The following PDZRN4 variants were observed in gnomAD, a reference collection of about 807,000 sequenced individuals.
PDZRN4 encodes PDZ domain-containing RING finger protein 4.
Under a neutral mutation model 99.0 loss-of-function variants are expected in PDZRN4, and 70 were observed. The observed-to-expected ratio is 0.71, with a 90% CI of 0.58 to 0.86. PDZRN4 has a LOEUF of 0.86. PDZRN4 is among the 40% of genes least tolerant of loss of function. The pLI is 0.00. For synonymous variants in PDZRN4, 551 were observed against 501.6 expected, an observed-to-expected ratio of 1.10 and a Z score of -1.32; for missense variants, 1,474 against 1,331.2, an observed-to-expected ratio of 1.11 and a Z score of -1.67.
At chr12:41,392,130 T>C (rs1205333097) in intron 3 of PDZRN4, among the ~76,000 whole-genome samples, 3 of 152,168 alleles carry the variant, frequency 2.0e-5, no homozygotes, top group African/African-American at 4.8e-5. Context: ...AATTAAAGTA[T>C]GAATCTGTCC....
chr12:41,189,046 CCAATACATGGCTCACG>C lies in PDZRN4; in HGVS notation c.592_607del (p.Gln198SerfsTer25). The C allele has an allele frequency of 6.3e-7, 1 of 1,576,256 alleles. No homozygotes were observed. The highest frequency in any genetic ancestry group is 8.6e-7 in the Non-Finnish European group (1 of 1,169,394). On this transcript the variant is annotated frameshift_variant, in exon 1 of 10. Transcript: ENST00000402685. LOFTEE classifies it high-confidence loss of function. The stretch of plus-strand genomic sequence containing the variant: ...CGCGCAGGTACCAGGAGAAGTTCAC[CCAATACATGGCTCACG>C]TCCGCAACTTCGTCGGCGACCTCGG...
intron 3 of PDZRN4, among the ~76,000 whole-genome samples, chr12:41,289,836 T>A (rs906275448): frequency 1.1e-4 from 16 of 152,184 alleles, no homozygotes; most frequent in African/African-American, 3.9e-4. Flanking sequence ...TTGGGGATAG[T>A]GAAGAAAATA....
chr12:41,546,143 T>A (rs1418095040), intron 5 of PDZRN4, among the ~76,000 whole-genome samples: 1 of 152,162 alleles, frequency 6.6e-6, no homozygotes, highest in Non-Finnish European at 1.5e-5. Context: ...GGGAAAGCAG[T>A]CACTATGGTC....
chr12:41,208,026 C>A (rs1026377006), intron 3 of PDZRN4, among the ~76,000 whole-genome samples: 2 of 151,370 alleles, frequency 1.3e-5, no homozygotes, highest in Admixed American at 1.3e-4. Context: ...TAATAGCTTT[C>A]ATTATTGAAA....
At chr12:41,473,499 C>A (rs1289656549) in intron 3 of PDZRN4, 1 of 152,178 alleles carries the variant, frequency 6.6e-6, no homozygotes, top group African/African-American at 2.4e-5. Context: ...TCAGGAAGAG[C>A]CATGGCATCC....
chr12:41,554,942 C>A (rs1333455035), intron 6 of PDZRN4, among the ~76,000 whole-genome samples: 1 of 151,244 alleles, frequency 6.6e-6, no homozygotes, highest in Non-Finnish European at 1.5e-5. Flanking sequence ...GACGCGGTGG[C>A]TCACGCCTGT....
chr12:41,467,271 T>G (rs1173739396), intron 3 of PDZRN4, among the ~76,000 whole-genome samples: 2 of 152,194 alleles, frequency 1.3e-5, no homozygotes, highest in Non-Finnish European at 1.5e-5. Context: ...GAAAAAAATT[T>G]GTTTAATAGT....
chr12:41,503,719 C>G (rs1032870127), intron 3 of PDZRN4, among the ~76,000 whole-genome samples: 1 of 152,082 alleles, frequency 6.6e-6, no homozygotes, highest in Non-Finnish European at 1.5e-5. Context: ...GAAAAATGAG[C>G]CTTGCCTTGT....
chr12:41,233,556 A>G (rs1198814871), intron 3 of PDZRN4, among the ~76,000 whole-genome samples: 1 of 152,186 alleles, frequency 6.6e-6, no homozygotes, highest in Non-Finnish European at 1.5e-5. Flanking sequence ...CAACAACGAT[A>G]GACTGGATAA....
Position 41,194,064 on chromosome 12 carries a change from T to A in PDZRN4, c.736-17T>A, listed in dbSNP as rs772920586. The A allele has an allele frequency of 8.5e-7, 1 of 1,171,272 alleles. No individual in the cohort carries two copies. Among genetic ancestry groups the A allele is most frequent in the Non-Finnish European group, 1.3e-6 (1 of 794,268 alleles). The allele number at this position is 1,171,272 out of a possible 1,614,324, so 72.6% of individuals were successfully genotyped here. Reference sequence around the variant, plus strand: ...TTTGCTTACATCTTTCTTCTGCTAATGATTTTTTAAAAATAGAATAATCAG... The same window carrying A: ...TTTGCTTACATCTTTCTTCTGCTAAAGATTTTTTAAAAATAGAATAATCAG... On this transcript the variant is annotated splice_polypyrimidine_tract_variant and intron_variant, in intron 2 of 9. Transcript: ENST00000402685.
chr12:41,528,165 G>A (rs1445252124), intron 5 of PDZRN4, among the ~76,000 whole-genome samples: 1 of 151,862 alleles, frequency 6.6e-6, no homozygotes, highest in East Asian at 1.9e-4. Flanking sequence ...GAGGAATAAG[G>A]AGCCGTTTTT....
intron 8 of PDZRN4, among the ~76,000 whole-genome samples, chr12:41,566,213 C>T (rs1417071661): frequency 1.3e-5 from 2 of 152,066 alleles, no homozygotes; most frequent in Non-Finnish European, 2.9e-5. Context: ...TCTTTATTTT[C>T]CCCACTACTT....
chr12:41,344,734 TAA>T (rs1423761786), intron 3 of PDZRN4, among the ~76,000 whole-genome samples: 1 of 148,432 alleles, frequency 6.7e-6, no homozygotes, highest in Non-Finnish European at 1.5e-5. Context: ...TTTTTTGATG[TAA>T]GATATATATA....
intron 3 of PDZRN4, among the ~76,000 whole-genome samples, chr12:41,309,513 C>T (rs1159324850): frequency 1.3e-5 from 2 of 152,108 alleles, no homozygotes; most frequent in Non-Finnish European, 2.9e-5. Flanking sequence ...CATTAGGCCC[C>T]ACCTCCCAAC....
At chr12:41,564,557 G>A (rs1048046126) in intron 8 of PDZRN4, among the ~76,000 whole-genome samples, 5 of 152,116 alleles carry the variant, frequency 3.3e-5, no homozygotes, top group Non-Finnish European at 7.4e-5. Context: ...CATTGAGTAA[G>A]TGTATTTCAG....
intron 3 of PDZRN4, among the ~76,000 whole-genome samples, chr12:41,277,790 TCA>T (rs1225582281): frequency 1.3e-5 from 2 of 152,234 alleles, no homozygotes; most frequent in Non-Finnish European, 2.9e-5. Flanking sequence ...TTAGAGGTAA[TCA>T]ATTTCTCTTT....
chr12:41,205,905 T>A (rs141655565), intron 3 of PDZRN4, among the ~76,000 whole-genome samples: 1,865 of 152,080 alleles, frequency 0.012, 144 homozygotes, highest in Admixed American at 0.11. Context: ...TTCTTCTACA[T>A]TTTTCCTATT....
intron 3 of PDZRN4, among the ~76,000 whole-genome samples, chr12:41,328,577 T>C (rs1951723954): frequency 2.0e-5 from 3 of 152,138 alleles, no homozygotes. Context: ...ATAAAACAGC[T>C]CAACTTTTTT....
chr12:41,508,040 T>G (rs912473128), intron 4 of PDZRN4, among the ~76,000 whole-genome samples: 6 of 152,190 alleles, frequency 3.9e-5, no homozygotes, highest in Admixed American at 6.6e-5. Flanking sequence ...TTAGCTAACT[T>G]AACATGCTTT....
Sources: gnomAD v4.1 joint callset for allele counts (sites outside exome capture counted in the v4.1 genomes callset) on GRCh38, gnomAD v4.1.1 for gene constraint, MANE v1.5 for transcripts, NCBI Gene and HGNC (gene_info 2026-07-23, HGNC 2026-07-21) for gene names.